KLF12: variants seen among roughly 807,000 people sequenced by gnomAD.
KLF12 encodes KLF transcription factor 12.
A neutral mutation model predicts 37.8 loss-of-function variants in KLF12; 9 were observed. The observed-to-expected ratio is 0.24, with a 90% CI of 0.14 to 0.42. KLF12 has a LOEUF of 0.42. Ranked by LOEUF, KLF12 falls within the 10% of genes least tolerant of loss-of-function variation. The pLI is 1.00. For synonymous variants in KLF12, 208 were observed against 202.1 expected (o/e 1.03, Z -0.25); for missense variants, 411 against 516.0 (o/e 0.80, Z 1.97).
intron 1 of KLF12, among the ~76,000 whole-genome samples, chr13:74,027,080 G>C (rs1179621303): frequency 3.3e-5 from 5 of 152,198 alleles, no homozygotes; most frequent in African/African-American, 1.2e-4. Context: ...TAAAAATAGA[G>C]TAGAATAAAG....
chr13:73,793,611 T>G (rs913186558), intron 5 of KLF12, among the ~76,000 whole-genome samples: 1 of 152,250 alleles, frequency 6.6e-6, no homozygotes, highest in African/African-American at 2.4e-5. Context: ...ATTGTCTTCA[T>G]GACTAGTATT....
chr13:74,107,363 C>G (rs1350337173), intron 1 of KLF12, among the ~76,000 whole-genome samples: 1 of 152,128 alleles, frequency 6.6e-6, no homozygotes, highest in Non-Finnish European at 1.5e-5. Context: ...CAATTCTACT[C>G]CAAACTCTCC....
In KLF12 at chr13:73,979,354, A is replaced by AACACACACACAC. The variant is rs71115629; in HGVS notation, c.33+15624_33+15635dup. ...TTCTTTTAAAAACAGTCTGCTTTTA[A>AACACACACACAC]ACACACACACACACACACACACACA... On this transcript the variant is annotated intron_variant, in intron 2 of 7. Transcript: ENST00000377669. 1.8e-3 allele frequency among the ~76,000 whole-genome samples: 252 copies of AACACACACACAC among 139,702 alleles called. 1 individual carries two copies. Among genetic ancestry groups the AACACACACACAC allele is most frequent in the Middle Eastern group, 7.3e-3 (2 of 274 alleles). 91.6% of individuals were successfully genotyped at this position (139,702 alleles called of 152,430 possible).
At chr13:74,300,582 C>T in the KLF12 span, among the ~76,000 whole-genome samples, 1 of 152,126 alleles carries the variant, frequency 6.6e-6, no homozygotes, top group Admixed American at 6.6e-5. Context: ...CACCTTGCCA[C>T]TGCTTCCTAA....
At chr13:73,940,301 C>A (rs541302720) in intron 3 of KLF12, among the ~76,000 whole-genome samples, 1 of 152,146 alleles carries the variant, frequency 6.6e-6, no homozygotes, top group Non-Finnish European at 1.5e-5. Flanking sequence ...AGCACATGCC[C>A]TTCCTAGAGG....
At chr13:74,274,228 C>A in the KLF12 span, among the ~76,000 whole-genome samples, 1 of 152,166 alleles carries the variant, frequency 6.6e-6, no homozygotes, top group East Asian at 1.9e-4. Context: ...CTCTCCTAGC[C>A]TTAGTGAAGA....
intron 1 of KLF12, among the ~76,000 whole-genome samples, chr13:74,074,652 T>G (rs1874463630): frequency 6.6e-6 from 1 of 152,050 alleles, no homozygotes; most frequent in Admixed American, 6.6e-5. Flanking sequence ...TTATCTTAGG[T>G]TTGGGGGTAC....
chr13:73,733,820 C>T (rs1244145233), intron 6 of KLF12, among the ~76,000 whole-genome samples: 1 of 152,202 alleles, frequency 6.6e-6, no homozygotes, highest in Non-Finnish European at 1.5e-5. Flanking sequence ...CTCACTAACA[C>T]CTGTTAGTTT....
chr13:73,714,123 C>T (rs890894206), intron 7 of KLF12, among the ~76,000 whole-genome samples: 6 of 152,016 alleles, frequency 3.9e-5, no homozygotes, highest in Non-Finnish European at 7.4e-5. Flanking sequence ...AGCTCAGAAT[C>T]GTAGAAAAGG....
intron 1 of KLF12, among the ~76,000 whole-genome samples, chr13:74,100,679 T>TA (rs1876286806): frequency 6.9e-6 from 1 of 144,726 alleles, no homozygotes; most frequent in Non-Finnish European, 1.5e-5. Flanking sequence ...TATATAAACA[T>TA]AGACATAAAC....
chr13:74,203,352 A>T, the KLF12 span, among the ~76,000 whole-genome samples: 1 of 151,996 alleles, frequency 6.6e-6, no homozygotes, highest in African/African-American at 2.4e-5. Flanking sequence ...GATGATGGCA[A>T]ATTGAGCTTT....
chr13:74,169,339 G>A, the KLF12 span, among the ~76,000 whole-genome samples: 5 of 152,184 alleles, frequency 3.3e-5, no homozygotes, highest in African/African-American at 7.2e-5. Context: ...TGAAAAGTAC[G>A]TCACAAATGT....
At chr13:73,709,118 T>A (rs1256471826) in intron 7 of KLF12, among the ~76,000 whole-genome samples, 1 of 152,234 alleles carries the variant, frequency 6.6e-6, no homozygotes, top group African/African-American at 2.4e-5. Flanking sequence ...TACTTATTTT[T>A]AATTTAGAAA....
chr13:74,267,778 T>TA, the KLF12 span, among the ~76,000 whole-genome samples: 1 of 152,186 alleles, frequency 6.6e-6, no homozygotes, highest in Admixed American at 6.5e-5. Flanking sequence ...AGGTGATGGA[T>TA]ACCCCAATTG....
At chr13:74,233,764 A>C in the KLF12 span, among the ~76,000 whole-genome samples, 1 of 152,242 alleles carries the variant, frequency 6.6e-6, no homozygotes, top group Non-Finnish European at 1.5e-5. Flanking sequence ...TCTTCAGATC[A>C]TCATATGATA....
At chr13:74,181,939 T>G in the KLF12 span, among the ~76,000 whole-genome samples, 2 of 152,236 alleles carry the variant, frequency 1.3e-5, no homozygotes, top group African/African-American at 4.8e-5. Context: ...AGTTTGTGTA[T>G]GTGCACATAT....
At chr13:73,977,800 T>G in intron 2 of KLF12, among the ~76,000 whole-genome samples, 1 of 152,166 alleles carries the variant, frequency 6.6e-6, no homozygotes, top group East Asian at 1.9e-4. Context: ...CAGAACAGAG[T>G]TCAGAAATAG....
intron 1 of KLF12, among the ~76,000 whole-genome samples, chr13:74,057,388 C>T (rs1354547222): frequency 6.6e-6 from 1 of 152,196 alleles, no homozygotes; most frequent in Non-Finnish European, 1.5e-5. Context: ...CTGTGACCTC[C>T]TCCCATCCCT....
chr13:73,710,037 T>C (rs1270641978), intron 7 of KLF12, among the ~76,000 whole-genome samples: 3 of 152,130 alleles, frequency 2.0e-5, no homozygotes, highest in Non-Finnish European at 4.4e-5. Flanking sequence ...GAATATAGAA[T>C]AATTATTTCT....
Sources: allele counts gnomAD v4.1 joint callset (sites outside exome capture counted in the v4.1 genomes callset), GRCh38; gene constraint gnomAD v4.1.1; transcripts MANE v1.5; gene names NCBI Gene and HGNC (gene_info 2026-07-23, HGNC 2026-07-21).